Variants in CEP85L observed in about 807,000 individuals in gnomAD.
CEP85L encodes centrosomal protein of 85 kDa-like.
A neutral mutation model predicts 100.3 loss-of-function variants in CEP85L; 60 were observed. The observed-to-expected ratio is 0.60, with a 90% CI of 0.49 to 0.74. The LOEUF (loss-of-function observed/expected upper bound fraction) is 0.74. CEP85L is among the 30% of genes least tolerant of loss of function. CEP85L has a pLI of 0.00. For synonymous variants in CEP85L, 319 were observed against 322.7 expected, an observed-to-expected ratio of 0.99 and a Z score of 0.12; for missense variants, 973 against 936.2, an observed-to-expected ratio of 1.04 and a Z score of -0.51.
At chr6:118,502,460 T>A (rs984263879) in intron 5 of CEP85L, 2 of 522,700 alleles carry the variant, frequency 3.8e-6, no homozygotes, top group East Asian at 9.7e-5. Context: ...ATGAAGGCCA[T>A]ACTAGGACAC....
In CEP85L at chr6:118,566,170, T is replaced by C. The variant is rs73766561; in HGVS notation, c.379A>G (p.Thr127Ala). Residue 127 changes from threonine (T) to alanine (A), a missense_variant, in exon 3 of 13, where the codon ACA (threonine) becomes GCA (alanine). Physicochemically the swap from Thr to Ala is moderately conservative, Grantham distance 58. This residue lies in a region of CEP85L where 890 missense variants were observed against 844.5 expected (regional missense o/e 1.05). Coordinates refer to ENST00000368491, the MANE Select transcript of CEP85L (RefSeq NM_001042475.3). ...TTTCCCAATGTTTGCATGAGGCTTG[T>C]ACTCCATTTTGAGCCATCTGGTGTC... Reference protein sequence around the residue: ...SLTPDGSKWSTSLMQTLGNHS... With the variant: ...SLTPDGSKWSASLMQTLGNHS... 10,104 of 1,614,134 alleles carry C rather than the reference T, an allele frequency of 6.3e-3. 577 individuals are homozygous for C. The African/African-American group carries it at 0.12, about 19-fold the overall frequency.
intron 2 of CEP85L, among the ~76,000 whole-genome samples, 182 bp from the exon 3 acceptor site, chr6:118,566,498 A>G (rs542302414): frequency 1.3e-5 from 2 of 152,074 alleles, no homozygotes; most frequent in Non-Finnish European, 2.9e-5. Context: ...GCTCACCGCA[A>G]TCTCTGCCTC....
Position 118,517,618 on chromosome 6 carries a change from C to T in CEP85L, c.1139+6184G>A, listed in dbSNP as rs1234486496. On this transcript the variant is annotated intron_variant, in intron 4 of 12. Transcript: ENST00000368491. ...CTGAGACTTTGCTAAAGTTGCTTAT[C>T]GGCTCAAGGAGATTTTGGGCTGAGA... 2.6e-5 allele frequency among the ~76,000 whole-genome samples: 4 copies of T among 152,184 alleles called. No individual in the cohort carries two copies. The East Asian group carries it at 5.8e-4, about 22-fold the overall frequency.
chr6:118,602,429 T>C (rs1781834551), intron 2 of CEP85L, among the ~76,000 whole-genome samples: 1 of 152,220 alleles, frequency 6.6e-6, no homozygotes, highest in South Asian at 2.1e-4. Flanking sequence ...CAAGTTGATA[T>C]GGGGTTGCTA....
upstream of CEP85L, chr6:118,652,856 C>T (rs1042366748): frequency 7.6e-6 from 6 of 787,906 alleles, no homozygotes; most frequent in African/African-American, 1.1e-4. Flanking sequence ...GTGATTGGTT[C>T]CTTTTTATTA....
chr6:118,666,078 C>A (rs1419051717), intron 1 of CEP85L, among the ~76,000 whole-genome samples: 1 of 152,234 alleles, frequency 6.6e-6, no homozygotes, highest in Non-Finnish European at 1.5e-5. Flanking sequence ...CAAGTAACAA[C>A]TTAATATTGG....
At chr6:118,610,362 A>G (rs1340628862) in intron 2 of CEP85L, among the ~76,000 whole-genome samples, 1 of 152,196 alleles carries the variant, frequency 6.6e-6, no homozygotes, top group Non-Finnish European at 1.5e-5. Context: ...CCACCATAGT[A>G]GTATCCAAGA....
chr6:118,697,343 T>A (rs1777247941), intron 1 of CEP85L, among the ~76,000 whole-genome samples: 1 of 152,248 alleles, frequency 6.6e-6, no homozygotes, highest in Non-Finnish European at 1.5e-5. Flanking sequence ...TCCAGACACT[T>A]GTCACCAGTC....
intron 4 of CEP85L, among the ~76,000 whole-genome samples, chr6:118,514,038 T>C (rs1247175725): frequency 6.6e-6 from 1 of 152,172 alleles, no homozygotes; most frequent in Admixed American, 6.5e-5. Context: ...TCTTACATTA[T>C]ACATAAAATA....
rs142032432 is a variant in CEP85L, at chr6:118,525,686, A to C, written c.1021-1766T>G. On this transcript the variant is annotated intron_variant, in intron 3 of 12. Transcript: ENST00000368491. Reference sequence around the variant, plus strand: ...ATCCAAAGGAACCAACTCTGCCAACACCTTGATTTCTAACTTTCAACTTCC... The same window carrying C: ...ATCCAAAGGAACCAACTCTGCCAACCCCTTGATTTCTAACTTTCAACTTCC... Among the ~76,000 whole-genome samples, 510 of 152,300 alleles carry C rather than the reference A, an allele frequency of 3.3e-3. 3 individuals carry two copies. Among genetic ancestry groups the C allele is most frequent in the Middle Eastern group, 6.8e-3 (2 of 294 alleles).
chr6:118,481,867 C>G lies in CEP85L; in HGVS notation c.1657G>C (p.Glu553Gln), dbSNP rs759591813. ...EALIDTEKKL[E>Q]EIKKQCQDKE... ...TCTTGACACTGCTTTTTGATCTCTTCAAGTTTTTTTTCTGTATCTATCAAA... is the reference window on the plus strand; with the variant it reads ...TCTTGACACTGCTTTTTGATCTCTTGAAGTTTTTTTTCTGTATCTATCAAA... Residue 553 changes from glutamate (E) to glutamine (Q), a missense_variant, in exon 8 of 13, where the codon GAA becomes CAA. This residue lies in a region of CEP85L where 890 missense variants were observed against 844.5 expected (regional missense o/e 1.05). Coordinates refer to ENST00000368491, the MANE Select transcript of CEP85L (RefSeq NM_001042475.3). 2 of 1,592,066 alleles carry G rather than the reference C, an allele frequency of 1.3e-6. No individual in the cohort carries two copies. Among genetic ancestry groups the G allele is most frequent in the Non-Finnish European group, 1.7e-6 (2 of 1,167,314 alleles).
chr6:118,554,392 C>G lies in CEP85L; in HGVS notation c.1020+11137G>C, dbSNP rs969325318. Among the ~76,000 whole-genome samples, 5 of 152,224 alleles carry G rather than the reference C, an allele frequency of 3.3e-5. No homozygotes were observed. In the East Asian group the frequency reaches 7.7e-4, roughly 23 times the overall value. ...GAACTCCTGGGCTCAAACATTCGTC[C>G]CGCCTAGGCCTTCCAAAGTGTTGGA... On this transcript the variant is annotated intron_variant, in intron 3 of 12. Transcript: ENST00000368491.
intron 5 of CEP85L, chr6:118,501,826 GA>G: frequency 1.3e-5 from 17 of 1,292,604 alleles, no homozygotes; most frequent in East Asian, 2.4e-5. Flanking sequence ...GAGAGAGAGA[GA>G]GAGAGGACTC....
Position 118,644,753 on chromosome 6 carries a change from T to A in CEP85L, c.73+6444A>T. On this transcript the variant is annotated intron_variant, in intron 1 of 12. Coordinates refer to ENST00000368491, the MANE Select transcript of CEP85L (RefSeq NM_001042475.3). The stretch of plus-strand genomic sequence containing the variant: ...ATTTCTCATGTATATACCAAATCCA[T>A]TTTCTTCTCTCCAAATCCAATCTAA... Among the ~76,000 whole-genome samples, 2 of 152,138 alleles carry A rather than the reference T, an allele frequency of 1.3e-5. 1 individual carries two copies.
chr6:118,654,476 G>A (rs2115395278), upstream of CEP85L, among the ~76,000 whole-genome samples: 1 of 152,246 alleles, frequency 6.6e-6, no homozygotes, highest in East Asian at 1.9e-4. Flanking sequence ...ATTTATGAAT[G>A]AATTCTAAAA....
intron 2 of CEP85L, among the ~76,000 whole-genome samples, chr6:118,613,891 G>C (rs1038949418): frequency 6.6e-6 from 1 of 151,610 alleles, no homozygotes; most frequent in Non-Finnish European, 1.5e-5. Context: ...CATTTATAAA[G>C]GTATTATAGT....
chr6:118,705,443 G>A (rs765661495), intron 1 of CEP85L, among the ~76,000 whole-genome samples: 22 of 152,182 alleles, frequency 1.4e-4, no homozygotes, highest in Non-Finnish European at 1.8e-4. Context: ...TAGTTACAAG[G>A]CATGGCATGG....
chr6:118,651,350 C>T lies in CEP85L; in HGVS notation c.-81G>A, dbSNP rs1331438112. 5 of 1,385,518 alleles carry T rather than the reference C, an allele frequency of 3.6e-6. No homozygotes were observed. Among genetic ancestry groups the T allele is most frequent in the Non-Finnish European group, 9.3e-7 (1 of 1,070,476 alleles). 85.8% of individuals were successfully genotyped at this position (1,385,518 alleles called of 1,614,324 possible). A position where few individuals can be genotyped will look rare whatever the true frequency, so the allele number is the denominator to read the frequency against. ...CTGCTTCTTCGGCGGCGGAAACTTG[C>T]GCGGAGCGTGGGCCTCGGCGACACG... On this transcript the variant is annotated 5_prime_UTR_variant, in exon 1 of 13. Transcript: ENST00000368491.
At chr6:118,485,053 T>C (rs553553663) in intron 6 of CEP85L, among the ~76,000 whole-genome samples, 1 of 152,352 alleles carries the variant, frequency 6.6e-6, no homozygotes, top group South Asian at 2.1e-4. Flanking sequence ...ATGATAATGA[T>C]TCTAGTAAAT....
Sources: allele counts gnomAD v4.1 joint callset (sites outside exome capture counted in the v4.1 genomes callset), GRCh38; gene constraint gnomAD v4.1.1; regional missense constraint gnomAD v4.1.1; transcripts MANE v1.5; gene names NCBI Gene and HGNC (gene_info 2026-07-23, HGNC 2026-07-21).